Variants in LPAR1 observed in about 807,000 individuals in gnomAD.
LPAR1 encodes lysophosphatidic acid receptor 1.
In LPAR1, 5 loss-of-function variants were observed where a neutral mutation model predicts 23.8. The ratio of observed to expected loss-of-function variants is 0.21; its 90% CI spans 0.11 to 0.44. The LOEUF (loss-of-function observed/expected upper bound fraction) is 0.44, where lower values mean the gene tolerates loss of function less well. Among genes scored for constraint, LPAR1 ranks in the 20% least tolerant of loss-of-function variants. The probability of loss-of-function intolerance (pLI) is 0.99; values close to 1 mark genes in which losing one functional copy is unlikely to be tolerated. For synonymous variants in LPAR1, 160 were observed against 164.7 expected (o/e 0.97, Z 0.22); for missense variants, 311 against 482.8 (o/e 0.64, Z 3.33).
intron 2 of LPAR1, among the ~76,000 whole-genome samples, chr9:110,991,777 G>A (rs1004595399): frequency 6.6e-6 from 1 of 152,114 alleles, no homozygotes; most frequent in South Asian, 2.1e-4. Flanking sequence ...ATTTTTAGTA[G>A]AGATGGGGTT....
chr9:110,915,473 G>C (rs7870387), intron 5 of LPAR1, among the ~76,000 whole-genome samples: 24,745 of 152,112 alleles, frequency 0.16, 2,638 homozygotes, highest in East Asian at 0.59. Flanking sequence ...TTGAACCTGG[G>C]AGGTGGAGGT....
chr9:110,921,135 A>AAAAACAAAACAAAAAAC (rs1040221830), intron 5 of LPAR1, among the ~76,000 whole-genome samples: 1 of 151,934 alleles, frequency 6.6e-6, no homozygotes, highest in Non-Finnish European at 1.5e-5. Context: ...CCCTGTTTCA[A>AAAAACAAAACAAAAAAC]AAAACAAAAC....
chr9:111,002,142 T>G (rs1447278844), intron 2 of LPAR1, among the ~76,000 whole-genome samples: 2 of 152,216 alleles, frequency 1.3e-5, no homozygotes, highest in African/African-American at 4.8e-5. Flanking sequence ...GACTTTCTCC[T>G]TGGTTTATAG....
At chr9:110,959,840 T>C (rs2095894473) in intron 4 of LPAR1, among the ~76,000 whole-genome samples, 2 of 152,082 alleles carry the variant, frequency 1.3e-5, no homozygotes, top group African/African-American at 4.8e-5. Context: ...TCATGTCAGT[T>C]GCAGCAACAC....
At chr9:110,879,827 G>A (rs2080231995) in intron 5 of LPAR1, among the ~76,000 whole-genome samples, 1 of 152,200 alleles carries the variant, frequency 6.6e-6, no homozygotes, top group African/African-American at 2.4e-5. Context: ...GAAGTATTTA[G>A]GAGACGGACT....
intron 4 of LPAR1, among the ~76,000 whole-genome samples, chr9:110,956,039 A>C (rs1400934033): frequency 6.6e-6 from 1 of 152,174 alleles, no homozygotes; most frequent in Non-Finnish European, 1.5e-5. Context: ...AAGAAAAAAA[A>C]TAATAAAGAT....
At position 110,894,020 on chromosome 9, in the gene LPAR1, G is replaced by T. The variant is rs947410294; in HGVS notation, c.794-18298C>A. Among the ~76,000 whole-genome samples the T allele has an allele frequency of 6.6e-5, 10 of 151,988 alleles. 1 individual carries two copies. The highest frequency in any genetic ancestry group is 1.9e-4 in the African/African-American group (8 of 41,372). On this transcript the variant is annotated intron_variant, in intron 5 of 5. Coordinates refer to ENST00000683809, the MANE Select transcript of LPAR1 (RefSeq NM_001351411.2). ...TAGAATAAATTAGAAATGCTTCAAT[G>T]GAAAGAACTTCATTAAAAATGTTTT...
intron 5 of LPAR1, among the ~76,000 whole-genome samples, chr9:110,915,689 A>G (rs2093011085): frequency 6.6e-6 from 1 of 152,230 alleles, no homozygotes; most frequent in Admixed American, 6.5e-5. Flanking sequence ...AACCACAATC[A>G]TATATTTGTA....
At chr9:110,939,834 T>C (rs574967880) in intron 5 of LPAR1, among the ~76,000 whole-genome samples, 5 of 152,352 alleles carry the variant, frequency 3.3e-5, no homozygotes, top group African/African-American at 1.2e-4. Context: ...AAAAAGTTCA[T>C]GCATATAAAA....
chr9:110,938,327 C>T (rs186516653), intron 5 of LPAR1, among the ~76,000 whole-genome samples: 3 of 152,274 alleles, frequency 2.0e-5, no homozygotes, highest in Admixed American at 6.5e-5. Flanking sequence ...AGTGGGAGAC[C>T]AGCAGGACTT....
At chr9:110,965,036 G>T (rs2096160546) in intron 4 of LPAR1, among the ~76,000 whole-genome samples, 1 of 151,706 alleles carries the variant, frequency 6.6e-6, no homozygotes, top group South Asian at 2.1e-4. Flanking sequence ...ACACCCAGCT[G>T]ATTTTTGTAT....
chr9:111,021,811 A>G, intron 2 of LPAR1, among the ~76,000 whole-genome samples: 1 of 151,866 alleles, frequency 6.6e-6, no homozygotes, highest in East Asian at 1.9e-4. Context: ...AAATACAAAA[A>G]TTAGCTGAGT....
intron 2 of LPAR1, among the ~76,000 whole-genome samples, chr9:110,985,527 T>C (rs2096761802): frequency 6.6e-6 from 1 of 152,064 alleles, no homozygotes; most frequent in African/African-American, 2.4e-5. Context: ...TTAACACAAT[T>C]GCGCCTTTTT....
Position 110,944,132 on chromosome 9 carries a change from T to C in LPAR1, c.46-1964A>G, listed in dbSNP as rs187911760. ...TCTTGTATCAGAATTACCTGAGAGT[T>C]TGTAAAACACTGATTGCTGACATAA... On this transcript the variant is annotated intron_variant, in intron 4 of 5. Transcript: ENST00000683809. Among the ~76,000 whole-genome samples, 38 of 152,244 alleles carry C rather than the reference T, an allele frequency of 2.5e-4. 1 individual carries two copies. Among genetic ancestry groups the C allele is most frequent in the Admixed American group, 2.4e-3 (36 of 15,274 alleles).
chr9:110,910,568 T>C (rs980307631), intron 5 of LPAR1, among the ~76,000 whole-genome samples: 1 of 152,192 alleles, frequency 6.6e-6, no homozygotes, highest in Non-Finnish European at 1.5e-5. Context: ...TTAATAAGTA[T>C]ATTTTGTAAA....
intron 4 of LPAR1, among the ~76,000 whole-genome samples, chr9:110,953,812 C>T (rs1284055675): frequency 6.6e-6 from 1 of 152,098 alleles, no homozygotes; most frequent in Admixed American, 6.5e-5. Context: ...AAACATCCTC[C>T]CCTATGAAAG....
At chr9:111,016,872 C>G (rs1223449314) in intron 2 of LPAR1, among the ~76,000 whole-genome samples, 1 of 152,176 alleles carries the variant, frequency 6.6e-6, no homozygotes, top group East Asian at 1.9e-4. Context: ...AAGCAATTGG[C>G]ATTATGCCAT....
At chr9:110,876,649 T>C (rs2079171503) in intron 5 of LPAR1, among the ~76,000 whole-genome samples, 1 of 152,232 alleles carries the variant, frequency 6.6e-6, no homozygotes. Context: ...TACATTTCTA[T>C]ATCTTGAAAA....
intron 2 of LPAR1, among the ~76,000 whole-genome samples, chr9:111,026,295 A>G (rs763139722): frequency 6.6e-6 from 1 of 152,122 alleles, no homozygotes; most frequent in Non-Finnish European, 1.5e-5. Flanking sequence ...AGCAATTGTG[A>G]ATGGGAGTTC....
Sources: gnomAD v4.1 joint callset for allele counts (sites outside exome capture counted in the v4.1 genomes callset) on GRCh38, gnomAD v4.1.1 for gene constraint, MANE v1.5 for transcripts, NCBI Gene and HGNC (gene_info 2026-07-23, HGNC 2026-07-21) for gene names.